PBX2: variants seen among roughly 807,000 people sequenced by gnomAD.
The protein encoded by PBX2 is pre-B-cell leukemia transcription factor 2.
In PBX2, 10 loss-of-function variants were observed where a neutral mutation model predicts 46.5. The observed-to-expected ratio is 0.21, with a 90% CI of 0.13 to 0.36. PBX2 has a LOEUF of 0.36. Among genes scored for constraint, PBX2 ranks in the 10% least tolerant of loss-of-function variants. The pLI, the probability that PBX2 is intolerant of heterozygous loss-of-function variation, is 1.00. For synonymous variants in PBX2, 160 were observed against 222.5 expected (o/e 0.72, Z 2.50); for missense variants, 392 against 580.5 (o/e 0.68, Z 3.34).
chr6:32,186,753 C>T lies in PBX2; in HGVS notation c.1113+60G>A. ...GCCTCAGAGGAAAGAGGTCTTGTAT[C>T]CTAAAGTAGAGGAAATGGAGTTGGG... On this transcript the variant is annotated intron_variant, in intron 7 of 8. Transcript: ENST00000375050. The surrounding 1 kb of genome is among the most constrained non-coding windows in gnomAD (Gnocchi z 4.2). 1 of 1,598,024 alleles carries T rather than the reference C, an allele frequency of 6.3e-7. No individual in the cohort carries two copies.
chr6:32,189,572 G>A lies in PBX2; in HGVS notation c.221+123C>T, dbSNP rs1426060590. On this transcript the variant is annotated intron_variant, in intron 1 of 8. Transcript: ENST00000375050. The surrounding 1 kb of genome is among the most constrained non-coding windows in gnomAD (Gnocchi z 4.7). ...CTTTTCTATGGGCTCCCAGGAATAA[G>A]GAGAGAAGAGAGCTGTTGGATCCTG... 3.0e-6 allele frequency: 2 copies of A among 672,152 alleles called. No homozygotes were observed. The highest frequency in any genetic ancestry group is 3.0e-5 in the Admixed American group (1 of 33,878). The allele number at this position is 672,152 out of a possible 1,614,324, so 41.6% of individuals were successfully genotyped here. A position where few individuals can be genotyped will look rare whatever the true frequency, so the allele number is the denominator to read the frequency against.
rs530743393 is a variant in PBX2, at chr6:32,189,125, G to A, written c.222-329C>T. 1.1e-5 allele frequency: 5 copies of A among 460,124 alleles called. No individual in the cohort carries two copies. Among genetic ancestry groups the A allele is most frequent in the East Asian group, 7.4e-5 (2 of 27,096 alleles). 28.5% of individuals were successfully genotyped at this position (460,124 alleles called of 1,614,324 possible). A position where few individuals can be genotyped will look rare whatever the true frequency, so the allele number is the denominator to read the frequency against. ...ACTTGGTAGGTTTCAGAGGGAGAGAGACAGAGGCTGGGGTTGAGAAGAGTC... is the reference window on the plus strand; with the variant it reads ...ACTTGGTAGGTTTCAGAGGGAGAGAAACAGAGGCTGGGGTTGAGAAGAGTC... On this transcript the variant is annotated intron_variant, in intron 1 of 8. Transcript: ENST00000375050. This position sits in a 1 kb window ranked among gnomAD's most constrained non-coding sequence, Gnocchi z 4.7.
Position 32,188,399 on chromosome 6 carries a change from C to A in PBX2, c.401G>T (p.Gly134Val). ...GGCTGCAGCTGCTGCTGCTGAGCCG[C>A]CCCCTTTCTCGGGCCCAGCCACACC... is the stretch of plus-strand genomic sequence containing the variant. ...AEGVAGPEKG[G>V]GSAAAAAAAA... Residue 134 changes from glycine (G) to valine (V), a missense_variant, in exon 3 of 9, where the codon GGC becomes GTC. Gly to Val is a moderately radical substitution (Grantham distance 109). Coordinates refer to ENST00000375050, the MANE Select transcript of PBX2 (RefSeq NM_002586.5). The surrounding 1 kb of genome is among the most constrained non-coding windows in gnomAD (Gnocchi z 6.5). 19 of 1,614,134 alleles carry A rather than the reference C, an allele frequency of 1.2e-5. No individual in the cohort carries two copies. The highest frequency in any genetic ancestry group is 1.4e-5 in the Non-Finnish European group (17 of 1,180,032).
chr6:32,189,143 GA>G lies in PBX2; in HGVS notation c.222-348del. ...GGAGAGAGACAGAGGCTGGGGTTGA[GA>G]AGAGTCAGAGTTTGAGGTGGCAGAG... On this transcript the variant is annotated intron_variant, in intron 1 of 8. Coordinates refer to ENST00000375050, the MANE Select transcript of PBX2 (RefSeq NM_002586.5). This position sits in a 1 kb window ranked among gnomAD's most constrained non-coding sequence, Gnocchi z 4.7. 1 of 417,462 alleles carries G rather than the reference GA, an allele frequency of 2.4e-6. No individual in the cohort carries two copies. Among genetic ancestry groups the G allele is most frequent in the Non-Finnish European group, 4.4e-6 (1 of 226,644 alleles). 25.9% of individuals were successfully genotyped at this position (417,462 alleles called of 1,614,324 possible). A position where few individuals can be genotyped will look rare whatever the true frequency, so the allele number is the denominator to read the frequency against.
chr6:32,189,982 C>G lies in PBX2; in HGVS notation c.-67G>C, dbSNP rs186333644. The G allele has an allele frequency of 7.6e-6, 5 of 659,970 alleles. No homozygotes were observed. Among genetic ancestry groups the G allele is most frequent in the African/African-American group, 2.1e-5 (1 of 48,204 alleles). 40.9% of individuals were successfully genotyped at this position (659,970 alleles called of 1,614,324 possible). ...TCCCCCCGCCTGGTTACTTCTCCCC[C>G]CAAACTCGCTGGGGCCGCTGCTCCC... On this transcript the variant is annotated 5_prime_UTR_variant, in exon 1 of 9. Transcript: ENST00000375050. This position sits in a 1 kb window ranked among gnomAD's most constrained non-coding sequence, Gnocchi z 4.7.
chr6:32,188,410 G>A lies in PBX2; in HGVS notation c.390C>T (p.Pro130=), dbSNP rs749942846. The A allele has an allele frequency of 1.5e-5, 25 of 1,613,936 alleles. No homozygotes were observed. Among genetic ancestry groups the A allele is most frequent in the Admixed American group, 1.3e-4 (8 of 59,996 alleles). The change falls in exon 3 of 9, where the codon CCC becomes CCT. Residue 130 remains proline, a synonymous_variant. Transcript: ENST00000375050. The surrounding 1 kb of genome is among the most constrained non-coding windows in gnomAD (Gnocchi z 6.5). Reference sequence around the variant, plus strand: ...CTGCTGCTGAGCCGCCCCCTTTCTCGGGCCCAGCCACACCCTCTGCCAGAA... The same window carrying A: ...CTGCTGCTGAGCCGCCCCCTTTCTCAGGCCCAGCCACACCCTCTGCCAGAA... ...NMLLAEGVAG[P]EKGGGSAAAA... is the part of the protein sequence containing the mutation.
rs1030053195 is a variant in PBX2 at position 32,189,922 on chromosome 6, G to A, written c.-7C>T. The A allele has an allele frequency of 1.6e-6, 2 of 1,262,920 alleles. No individual in the cohort carries two copies. Among genetic ancestry groups the A allele is most frequent in the Non-Finnish European group, 2.1e-6 (2 of 953,080 alleles). The allele number at this position is 1,262,920 out of a possible 1,614,324, so 78.2% of individuals were successfully genotyped here. ...CCAGTAGCCGTTCGTCCATAGCTGG[G>A]GGGGGGCCCTGAGGCCCCCTCCCTG... On this transcript the variant is annotated 5_prime_UTR_variant, in exon 1 of 9. Transcript: ENST00000375050. The surrounding 1 kb of genome is among the most constrained non-coding windows in gnomAD (Gnocchi z 4.7).
rs1316278737 is a variant in PBX2, at chr6:32,187,288, CT to C, written c.977del (p.Gln326ArgfsTer74). On this transcript the variant is annotated frameshift_variant, in exon 6 of 9. Transcript: ENST00000375050. LOFTEE classifies it high-confidence loss of function. The surrounding 1 kb of genome is among the most constrained non-coding windows in gnomAD (Gnocchi z 7.7). ...YAVKTAVSVT[Q>X]GGHSRTSSPT... is the part of the protein sequence containing the mutation. ...GGGAGCTGGTGCGGCTGTGGCCCCC[CT>C]GGGTGACTGACACGGCGGTCTTGAC... 6.2e-7 allele frequency: 1 copy of C among 1,612,978 alleles called. No homozygotes were observed. Among genetic ancestry groups the C allele is most frequent in the Admixed American group, 1.7e-5 (1 of 60,010 alleles).
chr6:32,188,661 T>C lies in PBX2; in HGVS notation c.295+62A>G. On this transcript the variant is annotated intron_variant, in intron 2 of 8. Transcript: ENST00000375050. The surrounding 1 kb of genome is among the most constrained non-coding windows in gnomAD (Gnocchi z 6.5). ...CTCAGGGCCCCAAGTTGTCACACTC[T>C]AGCCCTATAATGAACAGGGTTCTGT... 6.3e-7 allele frequency: 1 copy of C among 1,590,466 alleles called. No individual in the cohort carries two copies. The highest frequency in any genetic ancestry group is 8.6e-7 in the Non-Finnish European group (1 of 1,159,820).
chr6:32,186,393 T>C lies in PBX2; in HGVS notation c.1282A>G (p.Thr428Ala). Residue 428 changes from threonine to alanine, a missense_variant, in exon 9 of 9, where the codon ACC (threonine) becomes GCC (alanine). This residue lies in a region of PBX2 where 116 missense variants were observed against 157.9 expected (regional missense o/e 0.73). Coordinates refer to ENST00000375050, the MANE Select transcript of PBX2 (RefSeq NM_002586.5). The surrounding 1 kb of genome is among the most constrained non-coding windows in gnomAD (Gnocchi z 4.2). ...TEGPGSVHSD[T>A]SN The stretch of plus-strand genomic sequence containing the variant: ...CCTGAGGGGCAAGATCAGTTGGAGG[T>C]ATCAGAGTGAACACTCCCTGGTCCC... 1.2e-6 allele frequency: 2 copies of C among 1,600,796 alleles called. No homozygotes were observed. Among genetic ancestry groups the C allele is most frequent in the Non-Finnish European group, 1.7e-6 (2 of 1,169,180 alleles).
rs761220035 is a variant in PBX2, at chr6:32,188,757, G to T, written c.261C>A (p.Leu87=). ...ALNCHRMKPA[L]FSVLCEIKEK... ...CCTTGATTTCACACAGGACGCTAAA[G>T]AGAGCAGGCTTCATTCGGTGGCAGT... The change falls in exon 2 of 9, where the codon CTC becomes CTA. Residue 87 remains leucine (L), a synonymous_variant. Coordinates refer to ENST00000375050, the MANE Select transcript of PBX2 (RefSeq NM_002586.5). The surrounding 1 kb of genome is among the most constrained non-coding windows in gnomAD (Gnocchi z 6.5). The T allele has an allele frequency of 1.2e-6, 2 of 1,613,070 alleles. No individual in the cohort carries two copies. The highest frequency in any genetic ancestry group is 3.3e-5 in the Admixed American group (2 of 60,028).
At position 32,190,148 on chromosome 6, in the gene PBX2, G is replaced by A. The variant is rs1248834982; in HGVS notation, c.-233C>T. The A allele has an allele frequency of 2.6e-6, 1 of 390,154 alleles. No individual in the cohort carries two copies. The highest frequency in any genetic ancestry group is 2.1e-5 in the African/African-American group (1 of 47,772). The allele number at this position is 390,154 out of a possible 1,614,324, so 24.2% of individuals were successfully genotyped here. On this transcript the variant is annotated 5_prime_UTR_variant, in exon 1 of 9. Coordinates refer to ENST00000375050, the MANE Select transcript of PBX2 (RefSeq NM_002586.5). ...CGGCGGCGGAGAAAATGGAGCCGGA[G>A]AGAGAGAGGAGGCCCAAGCGGGGGT...
rs1416188463 is a variant in PBX2, at chr6:32,188,513, C to G, written c.296-9G>C. On this transcript the variant is annotated splice_polypyrimidine_tract_variant and intron_variant, in intron 2 of 8. Coordinates refer to ENST00000375050, the MANE Select transcript of PBX2 (RefSeq NM_002586.5). The surrounding 1 kb of genome is among the most constrained non-coding windows in gnomAD (Gnocchi z 6.5). ...GCTCCGAATGCTGAGGCCTAGCATG[C>G]AGGCGAGTGGACTTAGGGACCCAGA... The G allele has an allele frequency of 6.2e-7, 1 of 1,612,710 alleles. No individual in the cohort carries two copies. The highest frequency in any genetic ancestry group is 8.5e-7 in the Non-Finnish European group (1 of 1,179,358).
rs1787160521 is a variant in PBX2, at chr6:32,186,743, G to C, written c.1114-53C>G. 17 of 1,594,980 alleles carry C rather than the reference G, an allele frequency of 1.1e-5. No individual in the cohort carries two copies. The highest frequency in any genetic ancestry group is 1.5e-5 in the Non-Finnish European group (17 of 1,162,618). ...GTGAAGAGAAGCCTCAGAGGAAAGA[G>C]GTCTTGTATCCTAAAGTAGAGGAAA... On this transcript the variant is annotated intron_variant, in intron 7 of 8. Coordinates refer to ENST00000375050, the MANE Select transcript of PBX2 (RefSeq NM_002586.5). The surrounding 1 kb of genome is among the most constrained non-coding windows in gnomAD (Gnocchi z 4.2).
Position 32,189,959 on chromosome 6 carries a change from C to G in PBX2, c.-44G>C. On this transcript the variant is annotated 5_prime_UTR_variant, in exon 1 of 9. Transcript: ENST00000375050. The surrounding 1 kb of genome is among the most constrained non-coding windows in gnomAD (Gnocchi z 4.7). ...AGGCCCCCTCCCTGCTCCGCCCCTC[C>G]CCCCGCCTGGTTACTTCTCCCCCCA... is the stretch of plus-strand genomic sequence containing the variant. The G allele has an allele frequency of 1.1e-6, 1 of 901,112 alleles. No homozygotes were observed. The highest frequency in any genetic ancestry group is 1.6e-6 in the Non-Finnish European group (1 of 635,360). The allele number at this position is 901,112 out of a possible 1,614,324, so 55.8% of individuals were successfully genotyped here. A position where few individuals can be genotyped will look rare whatever the true frequency, so the allele number is the denominator to read the frequency against.
Position 32,187,946 on chromosome 6 carries a change from C to T in PBX2, c.734+20G>A. ...GAAGGAGCCCAGTGCTGGGGGCCAGCCTGGGGTCCCTGGGCCCACCTGGCA... is the reference window on the plus strand; with the variant it reads ...GAAGGAGCCCAGTGCTGGGGGCCAGTCTGGGGTCCCTGGGCCCACCTGGCA... On this transcript the variant is annotated intron_variant, in intron 4 of 8. Transcript: ENST00000375050. This position sits in a 1 kb window ranked among gnomAD's most constrained non-coding sequence, Gnocchi z 7.7. 1 of 1,527,158 alleles carries T rather than the reference C, an allele frequency of 6.5e-7. No homozygotes were observed. The allele number at this position is 1,527,158 out of a possible 1,614,324, so 94.6% of individuals were successfully genotyped here. A position where few individuals can be genotyped will look rare whatever the true frequency, so the allele number is the denominator to read the frequency against.
rs1787252420 is a variant in PBX2, at chr6:32,188,602, GT to G, written c.296-99del. The G allele has an allele frequency of 3.8e-6, 6 of 1,577,148 alleles. No homozygotes were observed. Among genetic ancestry groups the G allele is most frequent in the Non-Finnish European group, 5.2e-6 (6 of 1,156,556 alleles). The stretch of plus-strand genomic sequence containing the variant: ...TGGAGAGCCAAGTTCCCAGGCTTTG[GT>G]TCCTTCCCCAGTCCCCCTGACTCCT... On this transcript the variant is annotated intron_variant, in intron 2 of 8. Transcript: ENST00000375050. The surrounding 1 kb of genome is among the most constrained non-coding windows in gnomAD (Gnocchi z 6.5).
At position 32,188,571 on chromosome 6, in the gene PBX2, G is replaced by A; in HGVS notation, c.296-67C>T. The A allele has an allele frequency of 6.3e-7, 1 of 1,581,142 alleles. No individual in the cohort carries two copies. Among genetic ancestry groups the A allele is most frequent in the Non-Finnish European group, 8.6e-7 (1 of 1,160,646 alleles). ...ATACCCAGTGCTCAGTCCTCCTGGT[G>A]CTTCCTGGAGAGCCAAGTTCCCAGG... On this transcript the variant is annotated intron_variant, in intron 2 of 8. Coordinates refer to ENST00000375050, the MANE Select transcript of PBX2 (RefSeq NM_002586.5). This position sits in a 1 kb window ranked among gnomAD's most constrained non-coding sequence, Gnocchi z 6.5.
chr6:32,187,641 T>A lies in PBX2; in HGVS notation c.870+6A>T, dbSNP rs1787203536. 2 of 1,588,618 alleles carry A rather than the reference T, an allele frequency of 1.3e-6. No individual in the cohort carries two copies. The highest frequency in any genetic ancestry group is 1.3e-5 in the African/African-American group (1 of 74,438). ...CTGACAACTCCTCCCGCAACCTCCA[T>A]AATACCTGAGACACGGTGATGCCAC... On this transcript the variant is annotated splice_donor_region_variant and intron_variant, in intron 5 of 8. Coordinates refer to ENST00000375050, the MANE Select transcript of PBX2 (RefSeq NM_002586.5). This position sits in a 1 kb window ranked among gnomAD's most constrained non-coding sequence, Gnocchi z 7.7.
Sources: gnomAD v4.1 joint callset for allele counts on GRCh38, gnomAD v4.1.1 for gene constraint, gnomAD v4.1.1 regional missense constraint, Gnocchi (gnomAD v3.1) non-coding constraint, MANE v1.5 for transcripts, NCBI Gene and HGNC (gene_info 2026-07-23, HGNC 2026-07-21) for gene names.